The following ACYP2 variants were observed in gnomAD, a reference collection of about 807,000 sequenced individuals.
ACYP2 encodes the protein acylphosphatase 2, also known as acylphosphatase-2.
A neutral mutation model predicts 11.2 loss-of-function variants in ACYP2; 12 were observed. That is an observed-to-expected ratio of 1.08 (90% confidence interval 0.69 to 1.74). The LOEUF is 1.74. ACYP2 is among the 40% of genes most tolerant of loss of function. The pLI, the probability that ACYP2 is intolerant of heterozygous loss-of-function variation, is 0.00. For missense variants in ACYP2, 134 were observed against 101.9 expected (o/e 1.31, Z -1.35); for synonymous variants, 43 against 32.2 (o/e 1.33, Z -1.13).
chr2:54,037,816 G>A (rs1674992650), intron 2 of ACYP2, among the ~76,000 whole-genome samples: 1 of 152,116 alleles, frequency 6.6e-6, no homozygotes, highest in African/African-American at 2.4e-5. Flanking sequence ...TAAGCTAGGT[G>A]GTTATCAATG....
At chr2:54,071,431 A>T (rs915483088) in intron 4 of ACYP2, among the ~76,000 whole-genome samples, 7 of 152,076 alleles carry the variant, frequency 4.6e-5, no homozygotes, top group Non-Finnish European at 7.4e-5. Flanking sequence ...CAAGTTTGGC[A>T]AGGTTGCAGC....
chr2:53,974,535 A>C (rs1671369664), intron 2 of ACYP2, among the ~76,000 whole-genome samples: 1 of 152,206 alleles, frequency 6.6e-6, no homozygotes, highest in African/African-American at 2.4e-5. Context: ...CAGAATTCAG[A>C]AAATTGATTT....
At chr2:54,052,303 A>AGTG (rs1369314842) in intron 3 of ACYP2, among the ~76,000 whole-genome samples, 1 of 152,124 alleles carries the variant, frequency 6.6e-6, no homozygotes, top group Non-Finnish European at 1.5e-5. Flanking sequence ...TTTGTATGGT[A>AGTG]AACACACTAC....
intron 4 of ACYP2, chr2:54,123,242 G>T: frequency 2.5e-6 from 1 of 397,546 alleles, no homozygotes; most frequent in South Asian, 1.3e-4. Context: ...GCTTTCTCCT[G>T]CAGAAATAAG....
intron 6 of ACYP2, among the ~76,000 whole-genome samples, chr2:54,242,786 T>A (rs990526525): frequency 7.2e-5 from 11 of 152,180 alleles, no homozygotes; most frequent in Non-Finnish European, 1.5e-4. Context: ...ATACCACATA[T>A]CCTAGGTGGG....
intron 2 of ACYP2, among the ~76,000 whole-genome samples, chr2:54,034,479 A>G (rs1240821162): frequency 6.6e-6 from 1 of 152,226 alleles, no homozygotes; most frequent in African/African-American, 2.4e-5. Flanking sequence ...CAGTACAGTA[A>G]CATGCTGTAC....
At chr2:54,061,377 C>A (rs994531738) in intron 4 of ACYP2, among the ~76,000 whole-genome samples, 1 of 152,142 alleles carries the variant, frequency 6.6e-6, no homozygotes, top group Non-Finnish European at 1.5e-5. Flanking sequence ...GTGGGGCTGC[C>A]CACCAGACAT....
At chr2:53,972,095 G>A (rs1330257494) in intron 1 of ACYP2, among the ~76,000 whole-genome samples, 1 of 151,986 alleles carries the variant, frequency 6.6e-6, no homozygotes, top group African/African-American at 2.4e-5. Flanking sequence ...GGATCACGAG[G>A]TCAGGAGTTC....
chr2:54,099,504 G>A (rs973431275), intron 4 of ACYP2, among the ~76,000 whole-genome samples: 3 of 152,144 alleles, frequency 2.0e-5, no homozygotes, highest in African/African-American at 7.2e-5. Flanking sequence ...AGTGTTTTTA[G>A]ATTCCACATA....
At chr2:54,155,904 A>G (rs1418225858) in intron 6 of ACYP2, among the ~76,000 whole-genome samples, 1 of 152,236 alleles carries the variant, frequency 6.6e-6, no homozygotes, top group Non-Finnish European at 1.5e-5. Flanking sequence ...CTAGTTTCAT[A>G]GCATTATTAT....
chr2:54,240,513 G>A (rs370861129), intron 6 of ACYP2, among the ~76,000 whole-genome samples: 7 of 152,044 alleles, frequency 4.6e-5, no homozygotes, highest in South Asian at 2.1e-4. Context: ...GTCTCTAACC[G>A]GAGCTCCTGT....
At chr2:54,138,000 T>C (rs912963677) in intron 5 of ACYP2, among the ~76,000 whole-genome samples, 1 of 152,196 alleles carries the variant, frequency 6.6e-6, no homozygotes, top group African/African-American at 2.4e-5. Flanking sequence ...AGGTATCTCA[T>C]TGTGGTTTTC....
At chr2:54,256,035 CAT>C in intron 6 of ACYP2, 1 of 1,614,206 alleles carries the variant, frequency 6.2e-7, no homozygotes, top group Non-Finnish European at 8.5e-7. Context: ...GGCCATCAAA[CAT>C]ATCTGCCATT....
At chr2:54,178,071 A>C (rs2103862733) in intron 6 of ACYP2, among the ~76,000 whole-genome samples, 1 of 150,820 alleles carries the variant, frequency 6.6e-6, no homozygotes, top group East Asian at 1.9e-4. Context: ...CATCCGGCTA[A>C]TTTTTTATAT....
intron 6 of ACYP2, among the ~76,000 whole-genome samples, chr2:54,139,453 T>C (rs1035135869): frequency 6.6e-6 from 1 of 152,264 alleles, no homozygotes; most frequent in African/African-American, 2.4e-5. Context: ...AAAAATGTCC[T>C]GTGTACACAA....
chr2:54,220,492 G>A (rs563054850), intron 6 of ACYP2, among the ~76,000 whole-genome samples: 7 of 152,130 alleles, frequency 4.6e-5, no homozygotes, highest in South Asian at 4.1e-4. Context: ...TAAGTGAGGT[G>A]TGCTGGAGCA....
intron 6 of ACYP2, among the ~76,000 whole-genome samples, chr2:54,241,423 G>T (rs1338947991): frequency 6.6e-6 from 1 of 152,144 alleles, no homozygotes; most frequent in Non-Finnish European, 1.5e-5. Flanking sequence ...TGCTCAGGAG[G>T]TATAGGCTTA....
intron 6 of ACYP2, among the ~76,000 whole-genome samples, chr2:54,272,944 T>C (rs1182461233): frequency 2.0e-5 from 3 of 152,258 alleles, no homozygotes; most frequent in African/African-American, 7.2e-5. Context: ...GTATTTGTCA[T>C]GAGCCTTTTC....
At chr2:54,165,941 C>T (rs1324214812) in intron 6 of ACYP2, among the ~76,000 whole-genome samples, 1 of 152,196 alleles carries the variant, frequency 6.6e-6, no homozygotes, top group Non-Finnish European at 1.5e-5. Context: ...AGCTATTCAG[C>T]CTGACTTGTT....
Sources: gnomAD v4.1 joint callset for allele counts (sites outside exome capture counted in the v4.1 genomes callset) on GRCh38, gnomAD v4.1.1 for gene constraint, MANE v1.5 for transcripts, NCBI Gene and HGNC (gene_info 2026-07-23, HGNC 2026-07-21) for gene names.